The following DNAH3 variants were observed in gnomAD, a reference collection of about 807,000 sequenced individuals.
DNAH3 encodes axonemal beta dynein heavy chain 3.
DNAH3 carries 332 observed loss-of-function variants against 432.5 expected under a neutral mutation model. The ratio of observed to expected loss-of-function variants is 0.77; its 90% CI spans 0.70 to 0.84. The LOEUF (loss-of-function observed/expected upper bound fraction) is 0.84, where lower values mean the gene tolerates loss of function less well. Ranked by LOEUF, DNAH3 falls within the 40% of genes least tolerant of loss-of-function variation. DNAH3 has a pLI of 0.00. For synonymous variants in DNAH3, 1,956 were observed against 1,900.2 expected (o/e 1.03, Z -0.76); for missense variants, 4,861 against 5,114.0 (o/e 0.95, Z 1.51).
intron 42 of DNAH3, 140 bp downstream of exon 42, chr16:21,002,964 G>C: frequency 1.5e-6 from 1 of 658,316 alleles, no homozygotes; most frequent in Non-Finnish European, 2.7e-6. Flanking sequence ...GTTTTTGAAG[G>C]TCCACTGCAG....
At chr16:21,091,145 C>G (rs1361284533) in intron 18 of DNAH3, among the ~76,000 whole-genome samples, 1 of 151,284 alleles carries the variant, frequency 6.6e-6, no homozygotes, top group East Asian at 1.9e-4. Flanking sequence ...AGAGCGAGAC[C>G]CCATCTCAAA....
At chr16:21,135,993 A>G (rs2152824614) in intron 6 of DNAH3, among the ~76,000 whole-genome samples, 1 of 152,252 alleles carries the variant, frequency 6.6e-6, no homozygotes, top group African/African-American at 2.4e-5. Flanking sequence ...ATGCACGTGA[A>G]TATGTGAAGT....
chr16:20,989,269 ATTAG>A (rs2086410561), intron 44 of DNAH3, among the ~76,000 whole-genome samples: 1 of 151,946 alleles, frequency 6.6e-6, no homozygotes, highest in Non-Finnish European at 1.5e-5. Flanking sequence ...TCCCCATCAG[ATTAG>A]TTAGATACAG....
chr16:21,146,283 C>T (rs1021133334), intron 1 of DNAH3, among the ~76,000 whole-genome samples, 195 bp from the exon 3 acceptor site: 4 of 152,106 alleles, frequency 2.6e-5, no homozygotes, highest in African/African-American at 7.2e-5. Flanking sequence ...GGGCTGGGTG[C>T]GGTAGCTCAC....
chr16:21,114,038 C>A (rs2152806014), intron 12 of DNAH3, among the ~76,000 whole-genome samples: 1 of 152,100 alleles, frequency 6.6e-6, no homozygotes, highest in South Asian at 2.1e-4. Context: ...TTAGGCACAG[C>A]AAAAGATTAA....
intron 12 of DNAH3, among the ~76,000 whole-genome samples, chr16:21,112,491 G>A (rs112926669): frequency 2.6e-4 from 39 of 152,288 alleles, no homozygotes; most frequent in African/African-American, 8.2e-4. Context: ...GCAGTGGCAA[G>A]AGAAAATGAG....
At chr16:21,002,082 C>T (rs575647120) in intron 42 of DNAH3, among the ~76,000 whole-genome samples, 1 of 152,232 alleles carries the variant, frequency 6.6e-6, no homozygotes, top group Admixed American at 6.5e-5. Context: ...CACATTCACC[C>T]TGCTTGACAC....
Position 20,948,641 on chromosome 16 carries a change from G to A in DNAH3, c.11189-4C>T, listed in dbSNP as rs1253025898. The A allele has an allele frequency of 7.4e-6, 12 of 1,613,998 alleles. No individual in the cohort carries two copies. The highest frequency in any genetic ancestry group is 8.5e-6 in the Non-Finnish European group (10 of 1,179,990). ...CTGCCTCCGTAATTACATTCCCCTG[G>A]GGACAACCAACAGAAGGAGAGGTTG... On this transcript the variant is annotated splice_polypyrimidine_tract_variant and splice_region_variant and intron_variant, in intron 56 of 61. Transcript: ENST00000261383.
At chr16:21,067,061 T>C (rs2090578151) in intron 24 of DNAH3, among the ~76,000 whole-genome samples, 1 of 152,196 alleles carries the variant, frequency 6.6e-6, no homozygotes, top group Non-Finnish European at 1.5e-5. Context: ...CAGTGTTGGT[T>C]TGGACAACGT....
intron 31 of DNAH3, among the ~76,000 whole-genome samples, chr16:21,044,582 A>G (rs1273845396): frequency 6.9e-5 from 5 of 72,018 alleles, no homozygotes; most frequent in South Asian, 1.1e-3. Flanking sequence ...GGCTGAGACA[A>G]TGGGGTTTTC....
chr16:20,985,406 GT>G lies in DNAH3; in HGVS notation c.7335del (p.Lys2445AsnfsTer6). On this transcript the variant is annotated frameshift_variant, in exon 48 of 62. Transcript: ENST00000261383. LOFTEE classifies it high-confidence loss of function. ...TCGTATGCGTTCATGAATGTGGACA[GT>G]TTGGCGGCACTTTGCCGCCCGCTGC... 6.2e-7 allele frequency: 1 copy of G among 1,614,198 alleles called. No individual in the cohort carries two copies. Among genetic ancestry groups the G allele is most frequent in the Non-Finnish European group, 8.5e-7 (1 of 1,180,020 alleles).
chr16:21,039,955 A>C lies in DNAH3; in HGVS notation c.4639-12T>G, dbSNP rs1418666819. The C allele has an allele frequency of 6.2e-7, 1 of 1,607,414 alleles. No individual in the cohort carries two copies. The highest frequency in any genetic ancestry group is 1.3e-5 in the African/African-American group (1 of 74,698). On this transcript the variant is annotated splice_polypyrimidine_tract_variant and intron_variant, in intron 32 of 61. Transcript: ENST00000261383. ...GTCCGGAACAAGGCCTGGAAAAGAAACAACAAATCAGAATCGGAACACGTG... is the reference window on the plus strand; with the variant it reads ...GTCCGGAACAAGGCCTGGAAAAGAACCAACAAATCAGAATCGGAACACGTG...
At chr16:20,982,008 ATATATAATT>A (rs2085928722) in intron 49 of DNAH3, among the ~76,000 whole-genome samples, 1 of 147,946 alleles carries the variant, frequency 6.8e-6, no homozygotes, top group African/African-American at 2.5e-5. Context: ...AATATATAAT[ATATATAATT>A]AAGTATATAT....
chr16:20,984,541 G>A (rs182980794), intron 48 of DNAH3, among the ~76,000 whole-genome samples: 42 of 152,288 alleles, frequency 2.8e-4, no homozygotes, highest in Middle Eastern at 3.4e-3. Flanking sequence ...ATTCTCAGAG[G>A]AGAATTCAGG....
intron 39 of DNAH3, among the ~76,000 whole-genome samples, chr16:21,023,458 G>A (rs2088359650): frequency 6.6e-6 from 1 of 152,186 alleles, no homozygotes; most frequent in African/African-American, 2.4e-5. Flanking sequence ...GGGTAAAGAA[G>A]CCTTCCTGGA....
At chr16:21,051,680 G>C in exon 29 of DNAH3, 6 of 1,613,028 alleles carry the variant, frequency 3.7e-6, no homozygotes, top group Non-Finnish European at 4.2e-6. Flanking sequence ...CTGTAGCAGC[G>C]GTCGGTGAGG....
Position 21,126,916 on chromosome 16 carries a change from A to G in DNAH3, c.1208+771T>C, listed in dbSNP as rs180978398. On this transcript the variant is annotated intron_variant, in intron 8 of 61. Transcript: ENST00000261383. ...CTGTCTCCCATCACCTTCAGATGGGACCATCTAGTTGCAGGAAAACAAGCT... is the reference window on the plus strand; with the variant it reads ...CTGTCTCCCATCACCTTCAGATGGGGCCATCTAGTTGCAGGAAAACAAGCT... Among the ~76,000 whole-genome samples, 84 of 151,678 alleles carry G rather than the reference A, an allele frequency of 5.5e-4. 1 individual carries two copies. Among genetic ancestry groups the G allele is most frequent in the African/African-American group, 2.0e-3 (83 of 41,344 alleles).
At chr16:21,077,738 GGAC>G (rs2091025572) in intron 20 of DNAH3, among the ~76,000 whole-genome samples, 1 of 152,026 alleles carries the variant, frequency 6.6e-6, no homozygotes, top group South Asian at 2.1e-4. Context: ...GTGGAAAGAG[GGAC>G]TGTTCTCTCT....
At chr16:21,106,753 C>A (rs2091956876) in intron 14 of DNAH3, 79 bp from the exon 15 acceptor site, 2 of 1,217,000 alleles carry the variant, frequency 1.6e-6, no homozygotes. Flanking sequence ...TTGTAAGACT[C>A]CATGTTCAAA....
Sources: allele counts gnomAD v4.1 joint callset (sites outside exome capture counted in the v4.1 genomes callset), GRCh38; gene constraint gnomAD v4.1.1; transcripts MANE v1.5; gene names NCBI Gene and HGNC (gene_info 2026-07-23, HGNC 2026-07-21).